The following AGMO variants were observed in gnomAD, a reference collection of about 807,000 sequenced individuals.
AGMO encodes glyceryl-ether monooxygenase.
In AGMO, 75 loss-of-function variants were observed where a neutral mutation model predicts 60.2. That is an observed-to-expected ratio of 1.25 (90% CI 1.03 to 1.51). The LOEUF is 1.51. Ranked by LOEUF, AGMO falls within the 40% of genes most tolerant of loss-of-function variation. AGMO has a pLI of 0.00. For synonymous variants in AGMO, 261 were observed against 177.1 expected (o/e 1.47, Z -3.76); for missense variants, 763 against 525.5 (o/e 1.45, Z -4.42).
At chr7:15,340,882 G>A (rs533915117) in intron 12 of AGMO, among the ~76,000 whole-genome samples, 38 of 152,234 alleles carry the variant, frequency 2.5e-4, no homozygotes, top group African/African-American at 3.4e-4. Context: ...GAGGGCCACC[G>A]TTCTCGAGAC....
chr7:15,323,783 G>C (rs1403176654), intron 12 of AGMO, among the ~76,000 whole-genome samples: 3 of 152,158 alleles, frequency 2.0e-5, no homozygotes, highest in African/African-American at 7.2e-5. Flanking sequence ...TATTGTGCTA[G>C]ATGATTTCAT....
intron 3 of AGMO, among the ~76,000 whole-genome samples, chr7:15,435,234 C>A (rs934001879): frequency 3.3e-5 from 5 of 151,210 alleles, no homozygotes; most frequent in Admixed American, 2.0e-4. Context: ...AATACTTAGG[C>A]GTGGGATTAT....
the AGMO span, among the ~76,000 whole-genome samples, chr7:15,124,440 T>A: frequency 8.5e-5 from 13 of 152,152 alleles, 1 homozygote; most frequent in East Asian, 1.9e-3. Flanking sequence ...TGGCCTAACA[T>A]GAGCCAGGAT....
intron 12 of AGMO, among the ~76,000 whole-genome samples, chr7:15,261,340 A>C (rs557105418): frequency 8.5e-5 from 13 of 152,132 alleles, no homozygotes; most frequent in Non-Finnish European, 1.6e-4. Flanking sequence ...ATACCACAGA[A>C]ATACAAAAGA....
chr7:15,281,725 C>A (rs1783971821), intron 12 of AGMO, among the ~76,000 whole-genome samples: 3 of 152,162 alleles, frequency 2.0e-5, no homozygotes, highest in African/African-American at 7.2e-5. Flanking sequence ...CCAGTCTCTA[C>A]CCAGGGACAC....
At chr7:15,524,312 T>C (rs1008534765) in intron 3 of AGMO, among the ~76,000 whole-genome samples, 1 of 152,050 alleles carries the variant, frequency 6.6e-6, no homozygotes, top group Non-Finnish European at 1.5e-5. Flanking sequence ...GTAAAAGGAA[T>C]AATAGATTTT....
At chr7:15,219,539 C>A (rs1157456189) in intron 12 of AGMO, among the ~76,000 whole-genome samples, 1 of 151,882 alleles carries the variant, frequency 6.6e-6, no homozygotes, top group Non-Finnish European at 1.5e-5. Context: ...GAGGTCTGAT[C>A]CTGAGAAGCA....
intron 12 of AGMO, among the ~76,000 whole-genome samples, chr7:15,211,830 C>CA (rs1430160617): frequency 6.6e-6 from 1 of 151,826 alleles, no homozygotes; most frequent in Non-Finnish European, 1.5e-5. Flanking sequence ...ACATTTTCTA[C>CA]AAAAAACAAT....
At chr7:15,134,706 T>G in the AGMO span, among the ~76,000 whole-genome samples, 1 of 152,292 alleles carries the variant, frequency 6.6e-6, no homozygotes, top group South Asian at 2.1e-4. Flanking sequence ...CTACCTTTGA[T>G]GGGCATTTAC....
chr7:15,167,079 T>TA, the AGMO span, among the ~76,000 whole-genome samples: 6 of 152,006 alleles, frequency 3.9e-5, no homozygotes, highest in African/African-American at 9.7e-5. Context: ...CAATAAGTTC[T>TA]AAAAAAAATC....
chr7:15,401,516 G>T (rs982904841), intron 5 of AGMO, among the ~76,000 whole-genome samples: 2 of 152,098 alleles, frequency 1.3e-5, no homozygotes, highest in African/African-American at 2.4e-5. Flanking sequence ...ATTGAGGTTG[G>T]AGAAGAGACT....
intron 12 of AGMO, among the ~76,000 whole-genome samples, chr7:15,323,296 T>C (rs1315927003): frequency 6.6e-6 from 1 of 152,274 alleles, no homozygotes; most frequent in South Asian, 2.1e-4. Flanking sequence ...TTCTGACTGT[T>C]TAACTTTTTG....
At chr7:15,352,579 T>C (rs956459458) in intron 12 of AGMO, among the ~76,000 whole-genome samples, 1 of 151,756 alleles carries the variant, frequency 6.6e-6, no homozygotes, top group Non-Finnish European at 1.5e-5. Context: ...CAGAAATGCG[T>C]GGCAATTTTA....
intron 3 of AGMO, among the ~76,000 whole-genome samples, chr7:15,453,149 A>C (rs1490370134): frequency 1.3e-5 from 2 of 152,136 alleles, no homozygotes; most frequent in Non-Finnish European, 2.9e-5. Context: ...TAGAAAGTAG[A>C]GATGGTGGCA....
intron 3 of AGMO, among the ~76,000 whole-genome samples, chr7:15,498,957 A>T (rs1783307168): frequency 6.6e-6 from 1 of 151,962 alleles, no homozygotes; most frequent in Admixed American, 6.6e-5. Context: ...TCATCCCCAA[A>T]GAAAGTATGA....
rs2128530417 is a variant in AGMO at position 15,511,387 on chromosome 7, C to T, written c.409+33385G>A. On this transcript the variant is annotated intron_variant, in intron 3 of 12. Coordinates refer to ENST00000342526, the MANE Select transcript of AGMO (RefSeq NM_001004320.2). ...CTGGCCAGGAATCAATTTTTTTTCT[C>T]ATCAACATTATAACAAAATGACTTT... is the stretch of plus-strand genomic sequence containing the variant. 1.3e-5 allele frequency among the ~76,000 whole-genome samples: 2 copies of T among 152,212 alleles called. 1 individual carries two copies. Among genetic ancestry groups the T allele is most frequent in the South Asian group, 4.1e-4 (2 of 4,826 alleles).
At chr7:15,329,601 T>G (rs1312515227) in intron 12 of AGMO, among the ~76,000 whole-genome samples, 1 of 152,242 alleles carries the variant, frequency 6.6e-6, no homozygotes, top group Admixed American at 6.5e-5. Flanking sequence ...AGGTGCCATT[T>G]TCATATAGTT....
intron 12 of AGMO, among the ~76,000 whole-genome samples, chr7:15,260,880 A>G (rs915684279): frequency 2.6e-5 from 4 of 151,902 alleles, no homozygotes; most frequent in Non-Finnish European, 1.5e-5. Context: ...AACCACGCAA[A>G]TACATGGAAA....
At chr7:15,217,776 T>C (rs1283334497) in intron 12 of AGMO, among the ~76,000 whole-genome samples, 1 of 151,722 alleles carries the variant, frequency 6.6e-6, no homozygotes, top group Non-Finnish European at 1.5e-5. Context: ...ATGAGAAGAA[T>C]GGTGGAGAGG....
Sources: allele counts gnomAD v4.1 joint callset (sites outside exome capture counted in the v4.1 genomes callset), GRCh38; gene constraint gnomAD v4.1.1; transcripts MANE v1.5; gene names NCBI Gene and HGNC (gene_info 2026-07-23, HGNC 2026-07-21).